ADAM23: variants seen among roughly 807,000 people sequenced by gnomAD.
ADAM23 encodes ADAM metallopeptidase domain 23.
In ADAM23, 33 loss-of-function variants were observed where a neutral mutation model predicts 120.1. The observed-to-expected ratio is 0.27, with a 90% CI of 0.21 to 0.37. The LOEUF (loss-of-function observed/expected upper bound fraction) is 0.37. ADAM23 is among the 10% of genes least tolerant of loss of function. The pLI is 1.00. For missense variants in ADAM23, 862 were observed against 1,058.2 expected, an observed-to-expected ratio of 0.81 and a Z score of 2.57; for synonymous variants, 367 against 375.2, an observed-to-expected ratio of 0.98 and a Z score of 0.25.
intron 4 of ADAM23, among the ~76,000 whole-genome samples, chr2:206,531,477 C>T (rs1002064825): frequency 6.6e-6 from 1 of 152,090 alleles, no homozygotes; most frequent in East Asian, 1.9e-4. Context: ...CTTAAGGCCA[C>T]GGGACATTGA....
chr2:206,557,218 T>C (rs1039926211), intron 9 of ADAM23, among the ~76,000 whole-genome samples: 1 of 152,166 alleles, frequency 6.6e-6, no homozygotes, highest in African/African-American at 2.4e-5. Context: ...TTGTGAGCCA[T>C]GCTGCCCAGC....
intron 13 of ADAM23, among the ~76,000 whole-genome samples, chr2:206,563,519 G>A (rs1638808377): frequency 6.6e-6 from 1 of 152,072 alleles, no homozygotes; most frequent in South Asian, 2.1e-4. Flanking sequence ...CACATTAAAG[G>A]AAGTGTTTAG....
At chr2:206,608,631 G>A (rs1374677117) in intron 24 of ADAM23, among the ~76,000 whole-genome samples, 1 of 151,906 alleles carries the variant, frequency 6.6e-6, no homozygotes, top group African/African-American at 2.4e-5. Context: ...GACGGTCAGT[G>A]GTTAGTCTTA....
At chr2:206,499,743 C>G (rs1696348810) in intron 3 of ADAM23, among the ~76,000 whole-genome samples, 2 of 152,106 alleles carry the variant, frequency 1.3e-5, no homozygotes, top group Non-Finnish European at 2.9e-5. Context: ...GTTCTCATGT[C>G]TGAATGGAAA....
At chr2:206,586,225 C>G (rs1051846672) in intron 18 of ADAM23, among the ~76,000 whole-genome samples, 1 of 152,134 alleles carries the variant, frequency 6.6e-6, no homozygotes, top group South Asian at 2.1e-4. Context: ...AACAGAAGAT[C>G]GATGTGATTT....
At chr2:206,585,564 T>G (rs896998029) in intron 18 of ADAM23, among the ~76,000 whole-genome samples, 1 of 152,228 alleles carries the variant, frequency 6.6e-6, no homozygotes, top group African/African-American at 2.4e-5. Flanking sequence ...TGTGGTGAAC[T>G]TGATAAATGG....
At chr2:206,450,905 C>A (rs759282206) in intron 2 of ADAM23, among the ~76,000 whole-genome samples, 6 of 152,218 alleles carry the variant, frequency 3.9e-5, no homozygotes, top group Non-Finnish European at 5.9e-5. Flanking sequence ...ACGAAGAAGA[C>A]TAACACTTTG....
At chr2:206,451,573 C>T (rs920998212) in intron 2 of ADAM23, among the ~76,000 whole-genome samples, 4 of 152,182 alleles carry the variant, frequency 2.6e-5, no homozygotes, top group Non-Finnish European at 5.9e-5. Context: ...TTTAAATATC[C>T]TACTTAGTTC....
At chr2:206,562,159 AC>A (rs1559265329) in intron 12 of ADAM23, 43 bp from the exon 13 acceptor site, 1 of 1,499,652 alleles carries the variant, frequency 6.7e-7, no homozygotes, top group East Asian at 2.3e-5. Context: ...AGCTTTGTGC[AC>A]TCTCTCAAAT....
chr2:206,475,955 C>T (rs1226482247), intron 2 of ADAM23, among the ~76,000 whole-genome samples: 2 of 152,168 alleles, frequency 1.3e-5, no homozygotes, highest in Non-Finnish European at 2.9e-5. Flanking sequence ...CACACACTCA[C>T]ACACCTGTCA....
intron 8 of ADAM23, 63 bp from the exon 9 acceptor site, chr2:206,550,032 A>G: frequency 2.0e-6 from 2 of 997,414 alleles, no homozygotes; most frequent in South Asian, 1.7e-5. Context: ...ACAACTTAAC[A>G]GTGAGCACTA....
At chr2:206,454,464 C>G (rs992492625) in intron 2 of ADAM23, among the ~76,000 whole-genome samples, 3 of 152,136 alleles carry the variant, frequency 2.0e-5, no homozygotes, top group Non-Finnish European at 4.4e-5. Context: ...CAGAACCAAA[C>G]CATAACATTC....
intron 9 of ADAM23, among the ~76,000 whole-genome samples, chr2:206,555,939 A>G (rs978568458): frequency 1.3e-5 from 2 of 152,166 alleles, no homozygotes; most frequent in African/African-American, 2.4e-5. Context: ...GGAATTTGCT[A>G]GGCAACTTAA....
In ADAM23 at chr2:206,561,198, G is replaced by A; in HGVS notation, c.1240G>A (p.Val414Ile). The change falls in exon 12 of 26, where the codon GTT becomes ATT. Residue 414 changes from valine to isoleucine, a missense_variant. Val to Ile is a conservative substitution (Grantham distance 29). This residue lies in a region of ADAM23 where 617 missense variants were observed against 813.5 expected (regional missense o/e 0.76). Transcript: ENST00000264377. ...AGGTGTCTGTTCTCGCACAAGAGGA[G>A]TTGGTGTGAATGAGGTAAATTTTAC... ...FGGVCSRTRG[V>I]GVNEYGLPMA... is the part of the protein sequence containing the mutation. The A allele has an allele frequency of 1.2e-6, 2 of 1,613,940 alleles. No individual in the cohort carries two copies. Among genetic ancestry groups the A allele is most frequent in the Middle Eastern group, 1.7e-4 (1 of 6,060 alleles).
At chr2:206,474,709 G>T (rs1384118294) in intron 2 of ADAM23, among the ~76,000 whole-genome samples, 1 of 151,976 alleles carries the variant, frequency 6.6e-6, no homozygotes, top group Non-Finnish European at 1.5e-5. Flanking sequence ...TGAGTAGCTG[G>T]GACTAGAGGC....
chr2:206,595,686 T>TA lies in ADAM23; in HGVS notation c.2248-364dup, dbSNP rs1325364751. Among the ~76,000 whole-genome samples, 15 of 152,216 alleles carry TA rather than the reference T, an allele frequency of 9.9e-5. No individual in the cohort carries two copies. In the East Asian group the frequency reaches 2.9e-3, roughly 29 times the overall value. ...TTTAAAGTGGGTTCCTAGAAACAGT[T>TA]ACTTCTGAACAAAGTAGAAAAAAGT... On this transcript the variant is annotated intron_variant, in intron 23 of 25. Coordinates refer to ENST00000264377, the MANE Select transcript of ADAM23 (RefSeq NM_003812.4).
In ADAM23 at chr2:206,618,620, C is replaced by T. The variant is rs1698981485; in HGVS notation, c.*993C>T. 1.3e-5 allele frequency: 2 copies of T among 152,086 alleles called. No individual in the cohort carries two copies. The highest frequency in any genetic ancestry group is 2.1e-4 in the South Asian group (1 of 4,824). The allele number at this position is 152,086 out of a possible 1,614,324, so 9.4% of individuals were successfully genotyped here. The stretch of plus-strand genomic sequence containing the variant: ...TGTTATACAATGACTCTTGGGCTTG[C>T]TTAAAAAGACAGATATAGCCACAGA... On this transcript the variant is annotated 3_prime_UTR_variant, in exon 26 of 26. Transcript: ENST00000264377.
intron 6 of ADAM23, 135 bp downstream of exon 6, chr2:206,543,451 CCT>C: frequency 1.4e-6 from 1 of 710,404 alleles, no homozygotes; most frequent in Non-Finnish European, 2.3e-6. Flanking sequence ...AGAGTAGTAC[CCT>C]GAGTTTTGAA....
intron 24 of ADAM23, chr2:206,606,690 T>A (rs2105861976): frequency 6.6e-6 from 1 of 152,350 alleles, no homozygotes; most frequent in Non-Finnish European, 1.5e-5. Flanking sequence ...ATCCACATCC[T>A]CAGAATAGCT....
Sources: gnomAD v4.1 joint callset for allele counts (sites outside exome capture counted in the v4.1 genomes callset) on GRCh38, gnomAD v4.1.1 for gene constraint, gnomAD v4.1.1 regional missense constraint, MANE v1.5 for transcripts, NCBI Gene and HGNC (gene_info 2026-07-23, HGNC 2026-07-21) for gene names.